Variants in UST observed in about 807,000 individuals in gnomAD.
UST encodes the protein uronyl 2-sulfotransferase, also known as chondroitin sulfate 2-O-sulfotransferase.
UST carries 21 observed loss-of-function variants against 45.6 expected under a neutral mutation model. The observed-to-expected ratio is 0.46, with a 90% confidence interval of 0.33 to 0.66. The LOEUF (loss-of-function observed/expected upper bound fraction) is 0.66. Ranked by LOEUF, UST falls within the 30% of genes least tolerant of loss-of-function variation. The pLI is 0.02. For synonymous variants in UST, 215 were observed against 200.6 expected (o/e 1.07, Z -0.61); for missense variants, 463 against 512.4 (o/e 0.90, Z 0.93).
At position 148,934,105 on chromosome 6, in the gene UST, G is replaced by C. The variant is rs780524759; in HGVS notation, c.292-7174G>C. On this transcript the variant is annotated intron_variant, in intron 2 of 7. Transcript: ENST00000367463. The surrounding 1 kb of genome is among the most constrained non-coding windows in gnomAD (Gnocchi z 4.1). ...GCTTCAGAAGAAAATATCATTTATT[G>C]GGTTATAACCTAACTTTCCCCTTTT... Among the ~76,000 whole-genome samples, 3 of 152,178 alleles carry C rather than the reference G, an allele frequency of 2.0e-5. No individual in the cohort carries two copies. The highest frequency in any genetic ancestry group is 4.4e-5 in the Non-Finnish European group (3 of 68,042).
At chr6:148,961,742 A>G (rs1780663826) in intron 4 of UST, among the ~76,000 whole-genome samples, 1 of 152,282 alleles carries the variant, frequency 6.6e-6, no homozygotes, top group African/African-American at 2.4e-5. Flanking sequence ...ATGGTAGGGT[A>G]CAAACCATTC....
At chr6:149,064,469 ATGATGATGATGATGG>A (rs1445577138) in intron 7 of UST, among the ~76,000 whole-genome samples, 1 of 152,128 alleles carries the variant, frequency 6.6e-6, no homozygotes, top group Non-Finnish European at 1.5e-5. Context: ...GTGCCAACTG[ATGATGATGATGATGG>A]TGATGATGAT....
intron 1 of UST, among the ~76,000 whole-genome samples, chr6:148,765,787 A>C (rs1776310454): frequency 6.6e-6 from 1 of 152,186 alleles, no homozygotes; most frequent in Non-Finnish European, 1.5e-5. Context: ...AAATCTTCAC[A>C]ATTTATGTTC....
intron 5 of UST, among the ~76,000 whole-genome samples, chr6:149,016,295 A>G (rs1463708369): frequency 6.6e-6 from 1 of 152,190 alleles, no homozygotes; most frequent in Non-Finnish European, 1.5e-5. Flanking sequence ...GTGGATTCCA[A>G]TAGGGAAGTG....
At chr6:148,773,726 CAG>C (rs1439567443) in intron 1 of UST, among the ~76,000 whole-genome samples, 5 of 152,268 alleles carry the variant, frequency 3.3e-5, no homozygotes, top group Admixed American at 3.3e-4. Flanking sequence ...GTGTGAGGGA[CAG>C]ATGTCAGAGT....
intron 5 of UST, among the ~76,000 whole-genome samples, chr6:148,964,890 T>G (rs1562314980): frequency 1.3e-5 from 2 of 152,068 alleles, no homozygotes; most frequent in Admixed American, 6.5e-5. Flanking sequence ...ACAAAGGTGT[T>G]GGGGGGGTGT....
At chr6:149,073,123 A>G (rs1776842192) in intron 7 of UST, among the ~76,000 whole-genome samples, 1 of 152,222 alleles carries the variant, frequency 6.6e-6, no homozygotes, top group Non-Finnish European at 1.5e-5. Context: ...TTTTACCACA[A>G]TAAAAAATTT....
intron 1 of UST, among the ~76,000 whole-genome samples, chr6:148,862,607 A>G (rs1778341232): frequency 6.6e-6 from 1 of 152,136 alleles, no homozygotes; most frequent in Admixed American, 6.5e-5. Context: ...GGTCTTTACA[A>G]TTTGGCATGT....
At chr6:148,868,904 G>C (rs1420457137) in intron 1 of UST, among the ~76,000 whole-genome samples, 1 of 152,154 alleles carries the variant, frequency 6.6e-6, no homozygotes, top group Non-Finnish European at 1.5e-5. Context: ...AATCGTAAGA[G>C]TTACACTTTA....
At chr6:148,860,795 C>T (rs545284830) in intron 1 of UST, among the ~76,000 whole-genome samples, 71 of 152,180 alleles carry the variant, frequency 4.7e-4, no homozygotes, top group Middle Eastern at 3.4e-3. Context: ...TGCTGGATTA[C>T]GTTTATTGAT....
chr6:148,826,820 T>G (rs1390864670), intron 1 of UST, among the ~76,000 whole-genome samples: 1 of 152,196 alleles, frequency 6.6e-6, no homozygotes, highest in Non-Finnish European at 1.5e-5. Flanking sequence ...CCTTGGCTCA[T>G]GCCCCCTAAT....
chr6:148,965,742 T>A (rs1780778070), intron 5 of UST, among the ~76,000 whole-genome samples: 2 of 152,190 alleles, frequency 1.3e-5, no homozygotes, highest in Non-Finnish European at 2.9e-5. Flanking sequence ...GCCAGACGAC[T>A]ACACCAGACC....
At chr6:149,043,067 T>G (rs2115032376) in intron 7 of UST, among the ~76,000 whole-genome samples, 1 of 150,770 alleles carries the variant, frequency 6.6e-6, no homozygotes, top group Non-Finnish European at 1.5e-5. Context: ...CTTTCCTTCT[T>G]TCTTTCTTTC....
rs1323012259 is a variant in UST at position 149,014,437 on chromosome 6, TC to T, written c.682-4700del. 2.6e-5 allele frequency among the ~76,000 whole-genome samples: 4 copies of T among 152,284 alleles called. No individual in the cohort carries two copies. The East Asian group carries it at 7.7e-4, about 29-fold the overall frequency. On this transcript the variant is annotated intron_variant, in intron 5 of 7. Transcript: ENST00000367463. The stretch of plus-strand genomic sequence containing the variant: ...CCAGGTCCCAGCTGATGGATGAGGT[TC>T]CAGACAGACCCCACTCCTGGAGACA...
chr6:148,839,866 G>T (rs1777857424), intron 1 of UST, among the ~76,000 whole-genome samples: 1 of 152,174 alleles, frequency 6.6e-6, no homozygotes, highest in South Asian at 2.1e-4. Context: ...AGGTAAAAAG[G>T]GGTAACTTGC....
chr6:148,951,775 C>T (rs901360813), intron 3 of UST, among the ~76,000 whole-genome samples: 1 of 152,160 alleles, frequency 6.6e-6, no homozygotes, highest in African/African-American at 2.4e-5. Flanking sequence ...TGTGCTAATA[C>T]AATAAACACG....
At chr6:148,959,299 CT>C (rs1780597683) in intron 4 of UST, among the ~76,000 whole-genome samples, 1 of 152,192 alleles carries the variant, frequency 6.6e-6, no homozygotes, top group Admixed American at 6.5e-5. Flanking sequence ...TAAATGTTGA[CT>C]TTTTTATTCT....
At chr6:148,833,466 G>A (rs111263759) in intron 1 of UST, among the ~76,000 whole-genome samples, 237 of 152,286 alleles carry the variant, frequency 1.6e-3, no homozygotes, top group African/African-American at 5.5e-3. Flanking sequence ...CAGCCTGGGT[G>A]AAAGAGAGAG....
intron 1 of UST, among the ~76,000 whole-genome samples, chr6:148,799,699 C>T (rs763683627): frequency 2.0e-5 from 3 of 152,154 alleles, no homozygotes; most frequent in Non-Finnish European, 4.4e-5. Flanking sequence ...TCTTATCTCT[C>T]TCTTCCTGCA....
Sources: allele counts gnomAD v4.1 joint callset (sites outside exome capture counted in the v4.1 genomes callset), GRCh38; gene constraint gnomAD v4.1.1; non-coding constraint Gnocchi (gnomAD v3.1); transcripts MANE v1.5; gene names NCBI Gene and HGNC (gene_info 2026-07-23, HGNC 2026-07-21).